AFF2: variants seen among roughly 807,000 people sequenced by gnomAD.
AFF2 encodes ALF transcription elongation factor 2, also known as AF4/FMR2 family member 2.
In AFF2, 14 loss-of-function variants were observed where a neutral mutation model predicts 76.9. The ratio of observed to expected loss-of-function variants is 0.18; its 90% CI spans 0.12 to 0.28. AFF2 has a LOEUF of 0.28. Among genes scored for constraint, AFF2 ranks in the 10% least tolerant of loss-of-function variants. AFF2 has a pLI of 1.00. For synonymous variants in AFF2, 398 were observed against 366.7 expected, an observed-to-expected ratio of 1.09 and a Z score of -0.98; for missense variants, 868 against 1,001.1, an observed-to-expected ratio of 0.87 and a Z score of 1.79.
chrX:148,840,851 G>C (rs1217096331), intron 5 of AFF2, among the ~76,000 whole-genome samples: 1 of 111,807 alleles, frequency 8.9e-6, no homozygotes, highest in Non-Finnish European at 1.9e-5. Context: ...GAAATCCAAT[G>C]CATAATGATC....
chrX:148,599,217 C>T (rs781938502), intron 1 of AFF2, among the ~76,000 whole-genome samples: 5 of 112,399 alleles, frequency 4.4e-5, no homozygotes, highest in Non-Finnish European at 9.4e-5. Context: ...AAATTGAGTA[C>T]GTCCTATATA....
At chrX:148,874,515 A>AC (rs1200280216) in intron 7 of AFF2, among the ~76,000 whole-genome samples, 1 of 111,319 alleles carries the variant, frequency 9.0e-6, no homozygotes, top group Non-Finnish European at 1.9e-5. Flanking sequence ...CACAGGCTGG[A>AC]CCTGTAGTCT....
At chrX:148,870,181 C>G (rs782573340) in intron 7 of AFF2, among the ~76,000 whole-genome samples, 56 of 111,539 alleles carry the variant, frequency 5.0e-4, no homozygotes, top group African/African-American at 1.7e-3. Context: ...CAAAACCACT[C>G]TGGAGCTTCC....
chrX:148,808,947 G>A (rs976186639), intron 3 of AFF2, among the ~76,000 whole-genome samples: 4 of 111,355 alleles, frequency 3.6e-5, no homozygotes, highest in Admixed American at 9.5e-5. Context: ...TCGATGTAAC[G>A]GCAGTGCTCT....
At chrX:148,523,645 C>A (rs1569550716) in intron 1 of AFF2, among the ~76,000 whole-genome samples, 1 of 112,014 alleles carries the variant, frequency 8.9e-6, no homozygotes, top group African/African-American at 3.2e-5. Flanking sequence ...TGATTTCATG[C>A]AAAAAAATTT....
intron 4 of AFF2, among the ~76,000 whole-genome samples, chrX:148,811,044 G>A (rs1233399557): frequency 9.0e-6 from 1 of 111,302 alleles, no homozygotes; most frequent in African/African-American, 3.3e-5. Context: ...TCGTGCACCT[G>A]TTTCAGCCCA....
intron 3 of AFF2, among the ~76,000 whole-genome samples, chrX:148,741,236 G>C (rs1341573283): frequency 9.0e-6 from 1 of 111,406 alleles, no homozygotes; most frequent in African/African-American, 3.3e-5. Context: ...CCACTACCAG[G>C]GTGGATAGAG....
At chrX:148,910,042 T>A (rs2071451644) in intron 9 of AFF2, among the ~76,000 whole-genome samples, 1 of 112,738 alleles carries the variant, frequency 8.9e-6, no homozygotes, top group Admixed American at 9.4e-5. Context: ...GGTTGACATC[T>A]GTTACCAAAA....
intron 3 of AFF2, among the ~76,000 whole-genome samples, chrX:148,677,075 A>G (rs1557259554): frequency 9.0e-6 from 1 of 110,635 alleles, no homozygotes; most frequent in Non-Finnish European, 1.9e-5. Context: ...AGCAATTTGA[A>G]TTAGGGTCAT....
intron 3 of AFF2, among the ~76,000 whole-genome samples, chrX:148,714,569 T>C (rs1557263171): frequency 9.0e-6 from 1 of 111,682 alleles, no homozygotes; most frequent in Admixed American, 9.5e-5. Flanking sequence ...GCCCTTGGAG[T>C]ACCTACTCTG....
rs139570171 is a variant in AFF2, at chrX:148,651,173, A to G, written c.48-826A>G. 4.0e-3 allele frequency among the ~76,000 whole-genome samples: 453 copies of G among 112,567 alleles called. 1 individual carries two copies. The highest frequency in any genetic ancestry group is 0.013 in the African/African-American group (402 of 31,032). On this transcript the variant is annotated intron_variant, in intron 1 of 20. Transcript: ENST00000370460. ...AGGAAGCATTCCATTCCATAAAACC[A>G]GAAGGCCTGGAATATATCTTAAATA...
chrX:148,963,081 A>C, intron 13 of AFF2, 144 bp downstream of exon 13: 1 of 454,014 alleles, frequency 2.2e-6, no homozygotes, highest in Admixed American at 3.9e-5. Context: ...ACAAATACAC[A>C]AACTTTCCAT....
rs375084344 is a variant in AFF2, at chrX:148,607,116, T to A, written c.48-44883T>A. Among the ~76,000 whole-genome samples, 4 of 111,283 alleles carry A rather than the reference T, an allele frequency of 3.6e-5. No homozygotes were observed. The East Asian group carries it at 1.1e-3, about 32-fold the overall frequency. ...AGTACTTCAAGATGAGGAAACAGAA[T>A]CTCATAAAGGTAAAGTAACTGGCTC... is the stretch of plus-strand genomic sequence containing the variant. On this transcript the variant is annotated intron_variant, in intron 1 of 20. Transcript: ENST00000370460.
intron 1 of AFF2, among the ~76,000 whole-genome samples, chrX:148,610,196 G>A (rs182727879): frequency 5.4e-5 from 6 of 111,163 alleles, no homozygotes; most frequent in African/African-American, 9.8e-5. Flanking sequence ...TGTTATTATC[G>A]CTGTAGTTCT....
chrX:148,676,337 C>T (rs959402305), intron 3 of AFF2, among the ~76,000 whole-genome samples: 6 of 111,821 alleles, frequency 5.4e-5, no homozygotes, highest in Admixed American at 2.8e-4. Context: ...TGAGCCACCA[C>T]GCCCGGCCCG....
chrX:148,698,279 T>TA (rs1327147182), intron 3 of AFF2, among the ~76,000 whole-genome samples: 1 of 112,774 alleles, frequency 8.9e-6, no homozygotes, highest in Admixed American at 9.4e-5. Flanking sequence ...CACAAAAGTA[T>TA]AAAAAAAGTG....
chrX:148,714,419 T>C (rs2055003902), intron 3 of AFF2, among the ~76,000 whole-genome samples: 1 of 111,730 alleles, frequency 9.0e-6, no homozygotes, highest in Non-Finnish European at 1.9e-5. Flanking sequence ...GTGGATTTAG[T>C]TTATGATGCT....
chrX:148,876,542 G>A (rs1043381473), intron 7 of AFF2, among the ~76,000 whole-genome samples: 3 of 111,890 alleles, frequency 2.7e-5, no homozygotes, highest in Non-Finnish European at 5.6e-5. Flanking sequence ...AAGTCCATTC[G>A]CTATTGTTCT....
intron 1 of AFF2, among the ~76,000 whole-genome samples, chrX:148,598,204 A>C (rs1432811321): frequency 8.9e-6 from 1 of 111,752 alleles, no homozygotes; most frequent in Non-Finnish European, 1.9e-5. Flanking sequence ...CCAAAGTCTA[A>C]AAAAGAGAAA....
Sources: gnomAD v4.1 joint callset for allele counts (sites outside exome capture counted in the v4.1 genomes callset) on GRCh38, gnomAD v4.1.1 for gene constraint, MANE v1.5 for transcripts, NCBI Gene and HGNC (gene_info 2026-07-23, HGNC 2026-07-21) for gene names.